Variants in UNC13C observed in about 807,000 individuals in gnomAD.
UNC13C encodes the protein unc-13 homolog C.
A neutral mutation model predicts 245.4 loss-of-function variants in UNC13C; 174 were observed. The ratio of observed to expected loss-of-function variants is 0.71; its 90% CI spans 0.63 to 0.80. The LOEUF (loss-of-function observed/expected upper bound fraction) is 0.80, where lower values mean the gene tolerates loss of function less well. Ranked by LOEUF, UNC13C falls within the 30% of genes least tolerant of loss-of-function variation. The probability of loss-of-function intolerance (pLI) is 0.00; values close to 1 mark genes in which losing one functional copy is unlikely to be tolerated. For missense variants in UNC13C, 2,829 were observed against 2,602.9 expected (o/e 1.09, Z -1.89); for synonymous variants, 992 against 895.1 (o/e 1.11, Z -1.93).
chr15:54,453,145 T>C (rs8026344), intron 19 of UNC13C, among the ~76,000 whole-genome samples: 59,530 of 151,944 alleles, frequency 0.39, 11,940 homozygotes, highest in East Asian at 0.62. Flanking sequence ...CCAGGCAGCT[T>C]TCTCTGTTTA....
intron 8 of UNC13C, among the ~76,000 whole-genome samples, chr15:54,256,703 A>G (rs2036287227): frequency 6.6e-6 from 1 of 152,198 alleles, no homozygotes; most frequent in Non-Finnish European, 1.5e-5. Context: ...ACTATACAAT[A>G]AAGATAGAGT....
intron 14 of UNC13C, among the ~76,000 whole-genome samples, chr15:54,322,701 G>GT (rs1481247569): frequency 6.6e-6 from 1 of 152,016 alleles, no homozygotes; most frequent in Non-Finnish European, 1.5e-5. Flanking sequence ...ATCCATCAGT[G>GT]TAACTCTTTC....
intron 4 of UNC13C, among the ~76,000 whole-genome samples, chr15:54,193,139 T>C (rs1595981929): frequency 6.6e-6 from 1 of 152,152 alleles, no homozygotes; most frequent in East Asian, 1.9e-4. Context: ...CTTTATAAAG[T>C]ACTAAGTGAG....
intron 1 of UNC13C, among the ~76,000 whole-genome samples, chr15:53,997,806 A>G (rs1847211127): frequency 6.6e-6 from 1 of 151,580 alleles, no homozygotes; most frequent in Non-Finnish European, 1.5e-5. Context: ...TTATTTTATT[A>G]TTATTATTTT....
intron 30 of UNC13C, among the ~76,000 whole-genome samples, chr15:54,580,720 G>T (rs1449634673): frequency 6.6e-6 from 1 of 152,174 alleles, no homozygotes; most frequent in South Asian, 2.1e-4. Context: ...CATTAGATGT[G>T]CTCTGTCTCA....
intron 4 of UNC13C, among the ~76,000 whole-genome samples, chr15:54,164,751 A>G (rs1013728695): frequency 5.3e-5 from 8 of 152,182 alleles, no homozygotes; most frequent in Non-Finnish European, 1.0e-4. Flanking sequence ...TCTCAGAACC[A>G]TCTGGTTGGC....
At chr15:54,183,969 T>C (rs1185355681) in intron 4 of UNC13C, among the ~76,000 whole-genome samples, 1 of 149,772 alleles carries the variant, frequency 6.7e-6, no homozygotes. Context: ...TCAACCAGTT[T>C]TGAAAAAAAA....
intron 19 of UNC13C, among the ~76,000 whole-genome samples, chr15:54,446,192 A>C (rs998905020): frequency 1.9e-4 from 29 of 152,246 alleles, no homozygotes; most frequent in African/African-American, 7.0e-4. Flanking sequence ...TTTGGTTACT[A>C]TAGCCTTGTA....
intron 10 of UNC13C, among the ~76,000 whole-genome samples, chr15:54,279,032 A>C (rs1472503247): frequency 1.3e-5 from 2 of 152,190 alleles, no homozygotes; most frequent in Non-Finnish European, 2.9e-5. Flanking sequence ...TCAGATGTTC[A>C]TAAACATATT....
chr15:54,005,481 A>G (rs1380642771), intron 1 of UNC13C, among the ~76,000 whole-genome samples: 4 of 152,220 alleles, frequency 2.6e-5, no homozygotes, highest in Non-Finnish European at 5.9e-5. Flanking sequence ...TCATAACAGT[A>G]TCTACCACAA....
In UNC13C at chr15:54,353,163, A is replaced by G. The variant is rs78049886; in HGVS notation, c.4713+14674A>G. 4.1e-3 allele frequency among the ~76,000 whole-genome samples: 626 copies of G among 152,314 alleles called. 25 individuals are homozygous for G. In the East Asian group the frequency reaches 0.086, roughly 21 times the overall value. On this transcript the variant is annotated intron_variant, in intron 17 of 32. Transcript: ENST00000260323. ...AAGAGAAATTTCAGTGAACAAGACA[A>G]ACACAGTCAGTATCCTCATGGGACT...
chr15:54,212,288 C>A (rs191641406), intron 4 of UNC13C, among the ~76,000 whole-genome samples: 2 of 152,014 alleles, frequency 1.3e-5, no homozygotes, highest in African/African-American at 2.4e-5. Flanking sequence ...AGCAGGCATG[C>A]GCCCAAAGGA....
At chr15:54,124,004 T>TA (rs2030859120) in intron 2 of UNC13C, among the ~76,000 whole-genome samples, 1 of 152,188 alleles carries the variant, frequency 6.6e-6, no homozygotes, top group African/African-American at 2.4e-5. Context: ...CTGAGATCTA[T>TA]TCAAATTATT....
chr15:54,127,309 T>G (rs1301097378), intron 2 of UNC13C, among the ~76,000 whole-genome samples: 1 of 152,136 alleles, frequency 6.6e-6, no homozygotes, highest in Non-Finnish European at 1.5e-5. Flanking sequence ...CCAACCCACA[T>G]GCCCAACAAT....
chr15:54,260,378 T>C (rs2036392105), intron 8 of UNC13C, among the ~76,000 whole-genome samples: 1 of 151,972 alleles, frequency 6.6e-6, no homozygotes, highest in Admixed American at 6.6e-5. Flanking sequence ...TGAGATAAGA[T>C]CATATGCTGA....
At chr15:54,109,380 C>T (rs554558474) in intron 2 of UNC13C, among the ~76,000 whole-genome samples, 7 of 131,412 alleles carry the variant, frequency 5.3e-5, no homozygotes, top group Non-Finnish European at 9.4e-5. Flanking sequence ...CTTGCTCTGT[C>T]GCCCAGGCTA....
At chr15:54,468,357 C>T (rs1416053593) in intron 19 of UNC13C, among the ~76,000 whole-genome samples, 1 of 151,598 alleles carries the variant, frequency 6.6e-6, no homozygotes, top group African/African-American at 2.4e-5. Context: ...GGATATTAGT[C>T]TTGTATCCAA....
intron 4 of UNC13C, among the ~76,000 whole-genome samples, chr15:54,226,619 A>T (rs188823092): frequency 2.0e-4 from 31 of 152,318 alleles, no homozygotes; most frequent in Admixed American, 2.0e-3. Context: ...AGCCAAGGAC[A>T]AGCCAGGTGC....
intron 18 of UNC13C, among the ~76,000 whole-genome samples, chr15:54,399,948 T>C (rs2140927655): frequency 6.6e-6 from 1 of 152,120 alleles, no homozygotes; most frequent in South Asian, 2.1e-4. Context: ...GTTATGAAAG[T>C]GTTTATCCTA....
Sources: gnomAD v4.1 joint callset for allele counts (sites outside exome capture counted in the v4.1 genomes callset) on GRCh38, gnomAD v4.1.1 for gene constraint, MANE v1.5 for transcripts, NCBI Gene and HGNC (gene_info 2026-07-23, HGNC 2026-07-21) for gene names.